The following UHRF2 variants were observed in gnomAD, a reference collection of about 807,000 sequenced individuals.
UHRF2 encodes the protein E3 ubiquitin-protein ligase UHRF2.
Under a neutral mutation model 96.8 loss-of-function variants are expected in UHRF2, and 23 were observed. That is an observed-to-expected ratio of 0.24 (90% CI 0.17 to 0.34). UHRF2 has a LOEUF of 0.34. Among genes scored for constraint, UHRF2 ranks in the 10% least tolerant of loss-of-function variants. The pLI is 1.00. For synonymous variants in UHRF2, 385 were observed against 332.6 expected (o/e 1.16, Z -1.72); for missense variants, 685 against 981.5 (o/e 0.70, Z 4.04).
chr9:6,421,701 G>A lies in UHRF2; in HGVS notation c.384+559G>A, dbSNP rs540903828. ...CAAAGTGCTGGAATTACCGGGGTGA[G>A]CCACCTCGCCCAGCCTTAAATACCT... On this transcript the variant is annotated intron_variant, in intron 2 of 15. Transcript: ENST00000276893. Among the ~76,000 whole-genome samples, 18 of 152,266 alleles carry A rather than the reference G, an allele frequency of 1.2e-4. No homozygotes were observed. In the South Asian group the frequency reaches 3.3e-3, roughly 28 times the overall value.
chr9:6,431,691 T>C (rs1352528607), intron 2 of UHRF2, among the ~76,000 whole-genome samples: 2 of 152,192 alleles, frequency 1.3e-5, no homozygotes, highest in African/African-American at 4.8e-5. Context: ...GCAATGGCAG[T>C]ATTTTGAGGT....
At chr9:6,443,937 T>C (rs145175600) in intron 3 of UHRF2, among the ~76,000 whole-genome samples, 1 of 152,368 alleles carries the variant, frequency 6.6e-6, no homozygotes, top group East Asian at 1.9e-4. Flanking sequence ...GTAGCCTTAA[T>C]TGTGGCTACT....
At chr9:6,454,020 G>A (rs1822028662) in intron 3 of UHRF2, among the ~76,000 whole-genome samples, 1 of 142,400 alleles carries the variant, frequency 7.0e-6, no homozygotes, top group Non-Finnish European at 1.5e-5. Flanking sequence ...AATACTAATT[G>A]ACATTTACTT....
chr9:6,458,892 A>G (rs1005283152), intron 3 of UHRF2, among the ~76,000 whole-genome samples: 2 of 152,258 alleles, frequency 1.3e-5, no homozygotes, highest in Non-Finnish European at 2.9e-5. Context: ...CAGCCATAAA[A>G]AAGGATGAGT....
At chr9:6,415,503 A>T (rs1207938755) in intron 1 of UHRF2, 1 of 152,220 alleles carries the variant, frequency 6.6e-6, no homozygotes, top group Non-Finnish European at 1.5e-5. Context: ...GGAGCTCCAC[A>T]GATGAGGTAG....
intron 4 of UHRF2, among the ~76,000 whole-genome samples, chr9:6,464,908 A>G (rs890344595): frequency 6.6e-6 from 1 of 152,136 alleles, no homozygotes; most frequent in Non-Finnish European, 1.5e-5. Context: ...TCTTTCTGGT[A>G]TATAGGAATA....
Position 6,506,272 on chromosome 9 carries a change from T to C in UHRF2, c.*93T>C, listed in dbSNP as rs1816578657. The stretch of plus-strand genomic sequence containing the variant: ...AGGGTGGAAGAAATGGTGGACTGTA[T>C]CTCTCACGTTCTGAAGCAGCTAATC... On this transcript the variant is annotated 3_prime_UTR_variant, in exon 16 of 16. Coordinates refer to ENST00000276893, the MANE Select transcript of UHRF2 (RefSeq NM_152896.3). The C allele has an allele frequency of 6.7e-7, 1 of 1,492,062 alleles. No homozygotes were observed. The highest frequency in any genetic ancestry group is 9.1e-7 in the Non-Finnish European group (1 of 1,100,670). 92.4% of individuals were successfully genotyped at this position (1,492,062 alleles called of 1,614,324 possible).
chr9:6,420,535 T>C (rs1819869387), intron 1 of UHRF2, among the ~76,000 whole-genome samples: 1 of 151,480 alleles, frequency 6.6e-6, no homozygotes, highest in African/African-American at 2.4e-5. Context: ...ACCCCGTCTC[T>C]ACTAAAAATA....
At chr9:6,472,125 C>A (rs997652471) in intron 4 of UHRF2, among the ~76,000 whole-genome samples, 2 of 152,158 alleles carry the variant, frequency 1.3e-5, no homozygotes, top group Admixed American at 6.5e-5. Context: ...CCTTGGGTCC[C>A]ATTACAGTTA....
intron 3 of UHRF2, among the ~76,000 whole-genome samples, chr9:6,460,231 G>A (rs996982061): frequency 1.3e-5 from 2 of 152,124 alleles, no homozygotes; most frequent in African/African-American, 4.8e-5. Context: ...GTTTATTCTA[G>A]AAAAATTGTA....
At chr9:6,504,770 G>C (rs1477259565) in intron 15 of UHRF2, 79 bp downstream of exon 15, 2 of 1,164,744 alleles carry the variant, frequency 1.7e-6, no homozygotes, top group Non-Finnish European at 2.4e-6. Flanking sequence ...AGCATGCTAA[G>C]AAGCATTTTC....
intron 4 of UHRF2, among the ~76,000 whole-genome samples, chr9:6,464,190 G>C (rs1327340245): frequency 1.3e-5 from 2 of 152,122 alleles, no homozygotes; most frequent in Non-Finnish European, 2.9e-5. Flanking sequence ...CTGACTCCTA[G>C]TGGGGTTGAG....
At chr9:6,438,820 A>G (rs1217249121) in intron 3 of UHRF2, among the ~76,000 whole-genome samples, 2 of 152,368 alleles carry the variant, frequency 1.3e-5, no homozygotes, top group East Asian at 1.9e-4. Context: ...GAATTAGGCC[A>G]AGATAAATAG....
In UHRF2 at chr9:6,439,965, C is replaced by G. The variant is rs1168753496; in HGVS notation, c.644+5792C>G. 3.3e-5 allele frequency among the ~76,000 whole-genome samples: 5 copies of G among 152,260 alleles called. No homozygotes were observed. In the East Asian group the frequency reaches 9.6e-4, roughly 29 times the overall value. ...AATGTAAAAGAAAAAAGGGAGAAAA[C>G]ATCAAATTTTCTTGTTTCATTTTAG... is the stretch of plus-strand genomic sequence containing the variant. On this transcript the variant is annotated intron_variant, in intron 3 of 15. Coordinates refer to ENST00000276893, the MANE Select transcript of UHRF2 (RefSeq NM_152896.3).
intron 2 of UHRF2, among the ~76,000 whole-genome samples, chr9:6,431,388 G>A (rs1434748397): frequency 6.6e-6 from 1 of 152,080 alleles, no homozygotes; most frequent in Non-Finnish European, 1.5e-5. Flanking sequence ...AAAGAGGATT[G>A]TTTGAGGCCA....
At chr9:6,477,113 AT>A (rs1823620831) in intron 5 of UHRF2, among the ~76,000 whole-genome samples, 1 of 151,994 alleles carries the variant, frequency 6.6e-6, no homozygotes, top group Non-Finnish European at 1.5e-5. Flanking sequence ...GGCGCCTGTA[AT>A]CCCAGCTATT....
rs28600190 is a variant in UHRF2, at chr9:6,462,209, A to G, written c.863+1418A>G. On this transcript the variant is annotated intron_variant, in intron 4 of 15. Transcript: ENST00000276893. ...ATTAATTTATGTATTATCTGTGGCT[A>G]TTTTTGTGCTCCACAGTATTGTTGA... is the stretch of plus-strand genomic sequence containing the variant. 5.3e-5 allele frequency among the ~76,000 whole-genome samples: 8 copies of G among 152,078 alleles called. No individual in the cohort carries two copies. In the East Asian group the frequency reaches 1.5e-3, roughly 29 times the overall value.
At chr9:6,426,841 T>G (rs1356193654) in intron 2 of UHRF2, among the ~76,000 whole-genome samples, 1 of 152,152 alleles carries the variant, frequency 6.6e-6, no homozygotes, top group Non-Finnish European at 1.5e-5. Context: ...CTCTGCCTCC[T>G]GGGTTCAAGC....
chr9:6,500,549 T>C lies in UHRF2; in HGVS notation c.2006-3T>C. The C allele has an allele frequency of 6.2e-7, 1 of 1,606,120 alleles. No homozygotes were observed. The highest frequency in any genetic ancestry group is 8.5e-7 in the Non-Finnish European group (1 of 1,177,848). ...TGCTGATACATTTTTAAAATAAATCTAGATGACTGTCCAAGTGCCTCCAAA... is the reference window on the plus strand; with the variant it reads ...TGCTGATACATTTTTAAAATAAATCCAGATGACTGTCCAAGTGCCTCCAAA... On this transcript the variant is annotated splice_region_variant and splice_polypyrimidine_tract_variant and intron_variant, in intron 13 of 15. Coordinates refer to ENST00000276893, the MANE Select transcript of UHRF2 (RefSeq NM_152896.3).
Sources: gnomAD v4.1 joint callset for allele counts (sites outside exome capture counted in the v4.1 genomes callset) on GRCh38, gnomAD v4.1.1 for gene constraint, MANE v1.5 for transcripts, NCBI Gene and HGNC (gene_info 2026-07-23, HGNC 2026-07-21) for gene names.